The following ABLIM2 variants were observed in gnomAD, a reference collection of about 807,000 sequenced individuals.
ABLIM2 encodes actin-binding LIM protein 2.
In ABLIM2, 53 loss-of-function variants were observed where a neutral mutation model predicts 97.7. That is an observed-to-expected ratio of 0.54 (90% CI 0.44 to 0.68). The LOEUF is 0.68. ABLIM2 is among the 30% of genes least tolerant of loss of function. ABLIM2 has a pLI of 0.00. For synonymous variants in ABLIM2, 361 were observed against 345.8 expected (o/e 1.04, Z -0.49); for missense variants, 835 against 867.2 (o/e 0.96, Z 0.47).
chr4:7,974,493 A>G (rs969654097), intron 20 of ABLIM2, among the ~76,000 whole-genome samples: 1 of 146,878 alleles, frequency 6.8e-6, no homozygotes, highest in Non-Finnish European at 1.5e-5. Context: ...TCATGTATCT[A>G]TCCACCCATT....
At chr4:8,156,086 C>T (rs1715222599) in intron 1 of ABLIM2, among the ~76,000 whole-genome samples, 1 of 152,176 alleles carries the variant, frequency 6.6e-6, no homozygotes, top group African/African-American at 2.4e-5. Context: ...ATCTGATCTG[C>T]CAGGCCAGCA....
rs768649274 is a variant in ABLIM2, at chr4:8,045,241, C to T, written c.823G>A (p.Glu275Lys). The change falls in exon 9 of 21, where the codon GAA becomes AAA. Residue 275 changes from glutamate (E) to lysine (K), a missense_variant and splice_region_variant. Physicochemically the swap from Glu to Lys is moderately conservative, Grantham distance 56. Transcript: ENST00000447017. ...ATGCTCTCTGAGGAAGTTCTGGTTTCCTGAGAAAGGAGAGAGGAAGAGATT... is the reference window on the plus strand; with the variant it reads ...ATGCTCTCTGAGGAAGTTCTGGTTTTCTGAGAAAGGAGAGAGGAAGAGATT... Reference protein sequence around the residue: ...QAARTEDRNKETRTSSESIIS... With the variant: ...QAARTEDRNKKTRTSSESIIS... 1.2e-6 allele frequency: 2 copies of T among 1,613,518 alleles called. No individual in the cohort carries two copies. Among genetic ancestry groups the T allele is most frequent in the Admixed American group, 1.7e-5 (1 of 60,028 alleles).
In ABLIM2 at chr4:8,071,709, C is replaced by T. The variant is rs1812291945; in HGVS notation, c.675+5919G>A. On this transcript the variant is annotated intron_variant, in intron 6 of 20. Transcript: ENST00000447017. The surrounding 1 kb of genome is among the most constrained non-coding windows in gnomAD (Gnocchi z 6.2). ...TCCCCAAAAACCCACCCACCCGCAG[C>T]CCCTCCTGGCCCCTGTGAGCCCCCA... 5 of 978,258 alleles carry T rather than the reference C, an allele frequency of 5.1e-6. No individual in the cohort carries two copies. The Admixed American group carries it at 3.1e-4, about 60-fold the overall frequency. The allele number at this position is 978,258 out of a possible 1,614,324, so 60.6% of individuals were successfully genotyped here.
intron 1 of ABLIM2, among the ~76,000 whole-genome samples, chr4:8,134,293 C>A (rs1003905706): frequency 6.6e-6 from 1 of 152,152 alleles, no homozygotes; most frequent in African/African-American, 2.4e-5. Context: ...GAAAATCCAC[C>A]AGGGCGGATC....
intron 3 of ABLIM2, among the ~76,000 whole-genome samples, chr4:8,089,316 C>A (rs1825789196): frequency 6.6e-6 from 1 of 152,196 alleles, no homozygotes. Flanking sequence ...CTGCCCTCGA[C>A]ACCTGCTGCC....
At chr4:8,137,627 T>C (rs1039157510) in intron 1 of ABLIM2, among the ~76,000 whole-genome samples, 2 of 152,226 alleles carry the variant, frequency 1.3e-5, no homozygotes, top group African/African-American at 4.8e-5. Flanking sequence ...GGCAGCCACG[T>C]CGCAGCCCCT....
intron 8 of ABLIM2, among the ~76,000 whole-genome samples, chr4:8,052,981 C>G (rs1251049965): frequency 2.0e-5 from 3 of 152,340 alleles, no homozygotes; most frequent in Non-Finnish European, 4.4e-5. Context: ...CATGGCCTGG[C>G]CTGTGGGCCT....
rs1431376240 is a variant in ABLIM2 at position 8,155,561 on chromosome 4, C to T, written c.10+3119G>A. On this transcript the variant is annotated intron_variant, in intron 1 of 20. Transcript: ENST00000447017. The surrounding 1 kb of genome is among the most constrained non-coding windows in gnomAD (Gnocchi z 4.2). ...CCAGCCACAAGGCCGCCCTTGGCCC[C>T]GCACCCCTGTTATGGACTGAATTGT... Among the ~76,000 whole-genome samples the T allele has an allele frequency of 1.3e-5, 2 of 152,200 alleles. No individual in the cohort carries two copies. The highest frequency in any genetic ancestry group is 3.9e-4 in the East Asian group (2 of 5,194).
At chr4:8,055,128 G>C (rs941513806) in intron 7 of ABLIM2, among the ~76,000 whole-genome samples, 6 of 151,968 alleles carry the variant, frequency 3.9e-5, no homozygotes, top group Non-Finnish European at 8.8e-5. Context: ...ATAAAATCAA[G>C]CAGAGGTAAT....
At position 8,061,697 on chromosome 4, in the gene ABLIM2, G is replaced by A. The variant is rs79415452; in HGVS notation, c.676-643C>T. On this transcript the variant is annotated intron_variant, in intron 6 of 20. Coordinates refer to ENST00000447017, the MANE Select transcript of ABLIM2 (RefSeq NM_001130083.2). This position sits in a 1 kb window ranked among gnomAD's most constrained non-coding sequence, Gnocchi z 4.5. ...CCCGAAATGCTCCCTTTACCCCCAC[G>A]TTCCAGCACACACTTCCTACCCTGA... Among the ~76,000 whole-genome samples, 2,278 of 151,120 alleles carry A rather than the reference G, an allele frequency of 0.015. 60 individuals are homozygous for A. Among genetic ancestry groups the A allele is most frequent in the African/African-American group, 0.053 (2,172 of 41,124 alleles).
intron 1 of ABLIM2, among the ~76,000 whole-genome samples, chr4:8,153,898 T>C (rs1374973124): frequency 2.0e-5 from 3 of 152,126 alleles, no homozygotes; most frequent in Admixed American, 6.6e-5. Context: ...ACTGTTTCTG[T>C]AGAGTTGACA....
chr4:8,101,538 T>C (rs917740628), intron 2 of ABLIM2, among the ~76,000 whole-genome samples: 2 of 152,250 alleles, frequency 1.3e-5, no homozygotes, highest in African/African-American at 4.8e-5. Context: ...CGGCTATTTA[T>C]AGTCCCAGAT....
intron 20 of ABLIM2, among the ~76,000 whole-genome samples, chr4:7,972,640 G>GCTCT (rs1402339927): frequency 6.6e-6 from 1 of 152,182 alleles, no homozygotes; most frequent in African/African-American, 2.4e-5. Flanking sequence ...TGCCTGTCCT[G>GCTCT]CTCTCTGCTG....
chr4:8,068,212 G>A lies in ABLIM2; in HGVS notation c.676-7158C>T, dbSNP rs1465561082. ...AGGCGGAAGTCCCACCCTCGCCCGC[G>A]TGGGGCTCATGATGGCTCGGATTTC... is the stretch of plus-strand genomic sequence containing the variant. On this transcript the variant is annotated intron_variant, in intron 6 of 20. Transcript: ENST00000447017. The surrounding 1 kb of genome is among the most constrained non-coding windows in gnomAD (Gnocchi z 4.5). Among the ~76,000 whole-genome samples, 4 of 152,208 alleles carry A rather than the reference G, an allele frequency of 2.6e-5. No homozygotes were observed. The highest frequency in any genetic ancestry group is 4.4e-5 in the Non-Finnish European group (3 of 68,028).
chr4:8,036,652 G>A (rs913175007), intron 9 of ABLIM2, among the ~76,000 whole-genome samples: 1 of 152,214 alleles, frequency 6.6e-6, no homozygotes, highest in Non-Finnish European at 1.5e-5. Flanking sequence ...TAGGCCTTGC[G>A]GAAGTGTCTT....
chr4:8,029,630 C>A, intron 11 of ABLIM2, 26 bp downstream of exon 11: 1 of 1,442,334 alleles, frequency 6.9e-7, no homozygotes. Context: ...ATCCTGGGGG[C>A]TCAGAGGAAC....
chr4:8,141,761 G>A (rs1344191969), intron 1 of ABLIM2, among the ~76,000 whole-genome samples: 1 of 152,214 alleles, frequency 6.6e-6, no homozygotes, highest in African/African-American at 2.4e-5. Context: ...TTGGGAGGGC[G>A]CCTGTGAGTT....
intron 2 of ABLIM2, among the ~76,000 whole-genome samples, chr4:8,099,796 G>C (rs568495252): frequency 6.6e-6 from 1 of 152,274 alleles, no homozygotes; most frequent in Admixed American, 6.5e-5. Context: ...AGTGATCCGA[G>C]ATCGCGCCAC....
chr4:7,982,764 C>T (rs1222777731), intron 20 of ABLIM2, among the ~76,000 whole-genome samples: 4 of 151,996 alleles, frequency 2.6e-5, no homozygotes, highest in East Asian at 1.9e-4. Flanking sequence ...AGTGCAGTGG[C>T]GCCATCTCGG....
Sources: gnomAD v4.1 joint callset for allele counts (sites outside exome capture counted in the v4.1 genomes callset) on GRCh38, gnomAD v4.1.1 for gene constraint, Gnocchi (gnomAD v3.1) non-coding constraint, MANE v1.5 for transcripts, NCBI Gene and HGNC (gene_info 2026-07-23, HGNC 2026-07-21) for gene names.